CPHXL2: variants seen among roughly 807,000 people sequenced by gnomAD.
CPHXL2 encodes the protein cytoplasmic polyadenylated homeobox-like protein 2.
the CPHXL2 span, among the ~76,000 whole-genome samples, chr16:75,671,910 A>G: frequency 3.8e-4 from 58 of 152,316 alleles, no homozygotes; most frequent in Non-Finnish European, 6.8e-4. Flanking sequence ...TGGCTTTTGC[A>G]TGCTAATAAA....
chr16:75,676,652 T>C, the CPHXL2 span, among the ~76,000 whole-genome samples: 11 of 152,344 alleles, frequency 7.2e-5, no homozygotes, highest in African/African-American at 2.4e-4. Flanking sequence ...TAATTATTAA[T>C]ACACAGCCAG....
At chr16:75,670,898 C>T in the CPHXL2 span, among the ~76,000 whole-genome samples, 2 of 152,136 alleles carry the variant, frequency 1.3e-5, no homozygotes, top group Non-Finnish European at 2.9e-5. Context: ...ACTCAGTGCC[C>T]CGCAGCTATG....
the CPHXL2 span, among the ~76,000 whole-genome samples, chr16:75,672,605 A>C: frequency 6.6e-6 from 1 of 152,126 alleles, no homozygotes; most frequent in Non-Finnish European, 1.5e-5. Flanking sequence ...GATCTTATCA[A>C]CTCAGCCTCC....
the CPHXL2 span, among the ~76,000 whole-genome samples, chr16:75,670,529 G>T: frequency 6.6e-6 from 1 of 152,126 alleles, no homozygotes; most frequent in African/African-American, 2.4e-5. Context: ...GTTTATTTTT[G>T]AGATGGAGTC....
chr16:75,670,100 G>C, the CPHXL2 span, among the ~76,000 whole-genome samples: 3 of 152,126 alleles, frequency 2.0e-5, no homozygotes, highest in Non-Finnish European at 4.4e-5. Context: ...ATTTTTAGTA[G>C]AGACGGGATT....
chr16:75,669,739 G>A, the CPHXL2 span, among the ~76,000 whole-genome samples: 1 of 152,136 alleles, frequency 6.6e-6, no homozygotes, highest in South Asian at 2.1e-4. Flanking sequence ...TAGGCCTATG[G>A]GCCAGATCCA....
chr16:75,669,856 C>T, the CPHXL2 span, among the ~76,000 whole-genome samples: 8 of 152,204 alleles, frequency 5.3e-5, no homozygotes, highest in Non-Finnish European at 1.0e-4. Flanking sequence ...ATAGCGGAAT[C>T]GGTAGTTGAG....
the CPHXL2 span, among the ~76,000 whole-genome samples, chr16:75,666,011 A>G: frequency 1.3e-5 from 2 of 152,202 alleles, no homozygotes; most frequent in Non-Finnish European, 2.9e-5. Flanking sequence ...GAACTCACCA[A>G]TCACATATCT....
the CPHXL2 span, among the ~76,000 whole-genome samples, chr16:75,673,100 A>G: frequency 6.8e-6 from 1 of 147,752 alleles, no homozygotes; most frequent in Non-Finnish European, 1.5e-5. Context: ...AAAAAAAGAC[A>G]AAAAAAAGAA....
At chr16:75,666,730 C>T in the CPHXL2 span, among the ~76,000 whole-genome samples, 1 of 151,848 alleles carries the variant, frequency 6.6e-6, no homozygotes, top group Admixed American at 6.6e-5. Context: ...AACAAATGGA[C>T]TTCACAGATA....
chr16:75,671,832 AAG>A, the CPHXL2 span, among the ~76,000 whole-genome samples: 8 of 152,226 alleles, frequency 5.3e-5, no homozygotes, highest in Non-Finnish European at 1.2e-4. Flanking sequence ...GTGACTGAAA[AAG>A]AGAGAGGAGG....
chr16:75,671,861 A>G, the CPHXL2 span, among the ~76,000 whole-genome samples: 1 of 152,208 alleles, frequency 6.6e-6, no homozygotes, highest in Admixed American at 6.5e-5. Context: ...GAGACAGTAA[A>G]TGGAATCCAA....
At chr16:75,660,761 A>G in the CPHXL2 span, 2 of 398,572 alleles carry the variant, frequency 5.0e-6, no homozygotes, top group Non-Finnish European at 8.8e-6. Context: ...AATATGGCAC[A>G]GAAGATGGGG....
the CPHXL2 span, among the ~76,000 whole-genome samples, chr16:75,673,565 C>A: frequency 6.5e-4 from 99 of 152,228 alleles, no homozygotes; most frequent in African/African-American, 2.4e-3. Flanking sequence ...CATTAAACCC[C>A]CTTAGTAACC....
At chr16:75,669,177 G>C in the CPHXL2 span, among the ~76,000 whole-genome samples, 1 of 152,060 alleles carries the variant, frequency 6.6e-6, no homozygotes, top group African/African-American at 2.4e-5. Context: ...CCAGTGTGGT[G>C]GTGGGAGCTT....
At chr16:75,667,333 A>T in the CPHXL2 span, among the ~76,000 whole-genome samples, 1 of 150,054 alleles carries the variant, frequency 6.7e-6, no homozygotes, top group African/African-American at 2.5e-5. Context: ...AAAAAAAATT[A>T]GAAAAAAATT....
At chr16:75,674,140 A>G in the CPHXL2 span, among the ~76,000 whole-genome samples, 1 of 151,678 alleles carries the variant, frequency 6.6e-6, no homozygotes, top group African/African-American at 2.4e-5. Context: ...TTGGGAGGCC[A>G]AGGGGGGTGG....
the CPHXL2 span, among the ~76,000 whole-genome samples, chr16:75,665,750 C>A: frequency 6.6e-6 from 1 of 152,098 alleles, no homozygotes; most frequent in African/African-American, 2.4e-5. Flanking sequence ...GTAATCCCAG[C>A]TACTTGGGAG....
the CPHXL2 span, among the ~76,000 whole-genome samples, chr16:75,670,338 G>A: frequency 2.1e-3 from 317 of 152,296 alleles, no homozygotes; most frequent in Admixed American, 3.5e-3. Flanking sequence ...CTGAGGGAAC[G>A]GAATCGGAGC....
Sources: allele counts gnomAD v4.1 joint callset (sites outside exome capture counted in the v4.1 genomes callset), GRCh38; gene constraint gnomAD v4.1.1; transcripts MANE v1.5; gene names NCBI Gene and HGNC (gene_info 2026-07-23, HGNC 2026-07-21).